HMG20A: variants seen among roughly 807,000 people sequenced by gnomAD.
HMG20A encodes high mobility group 20A.
A neutral mutation model predicts 43.9 loss-of-function variants in HMG20A; 17 were observed. The observed-to-expected ratio is 0.39, with a 90% CI of 0.27 to 0.58. The LOEUF (loss-of-function observed/expected upper bound fraction) is 0.58. HMG20A is among the 20% of genes least tolerant of loss of function. The pLI, the probability that HMG20A is intolerant of heterozygous loss-of-function variation, is 0.59. For synonymous variants in HMG20A, 132 were observed against 147.5 expected, an observed-to-expected ratio of 0.89 and a Z score of 0.76; for missense variants, 341 against 438.2, an observed-to-expected ratio of 0.78 and a Z score of 1.98.
chr15:77,471,523 T>C (rs1027898130), intron 5 of HMG20A, among the ~76,000 whole-genome samples: 1 of 152,232 alleles, frequency 6.6e-6, no homozygotes, highest in Non-Finnish European at 1.5e-5. Context: ...TTGTGTCTTC[T>C]GTCCACTCTT....
intron 1 of HMG20A, among the ~76,000 whole-genome samples, chr15:77,457,924 G>T (rs1194799826): frequency 6.6e-6 from 1 of 152,122 alleles, no homozygotes; most frequent in East Asian, 1.9e-4. Context: ...AATACTCAAT[G>T]CACTTACTAC....
At chr15:77,463,987 CT>C (rs930888696) in intron 2 of HMG20A, among the ~76,000 whole-genome samples, 6 of 152,188 alleles carry the variant, frequency 3.9e-5, no homozygotes, top group African/African-American at 9.7e-5. Flanking sequence ...AGGAGATCAT[CT>C]TTTTGGAAGA....
intron 1 of HMG20A, chr15:77,458,088 C>A: frequency 9.1e-6 from 2 of 219,150 alleles, no homozygotes; most frequent in Non-Finnish European, 1.8e-5. Flanking sequence ...TCTGAGTTAC[C>A]CTGCTTAACA....
chr15:77,437,926 G>T (rs911664042), intron 1 of HMG20A, among the ~76,000 whole-genome samples: 1 of 151,648 alleles, frequency 6.6e-6, no homozygotes, highest in Admixed American at 6.6e-5. Flanking sequence ...TAGCAGTCTT[G>T]ACTAAATAAC....
chr15:77,487,043 C>T (rs982524551), downstream of HMG20A, among the ~76,000 whole-genome samples: 2 of 152,172 alleles, frequency 1.3e-5, no homozygotes, highest in Non-Finnish European at 2.9e-5. Context: ...ACCCCGTGGT[C>T]CAAAATAGCC....
chr15:77,504,163 A>G, the HMG20A span, among the ~76,000 whole-genome samples: 2 of 152,204 alleles, frequency 1.3e-5, no homozygotes, highest in South Asian at 2.1e-4. Context: ...GCATAGATAG[A>G]TGTCTGCATA....
chr15:77,519,740 T>C, the HMG20A span, among the ~76,000 whole-genome samples: 17 of 152,200 alleles, frequency 1.1e-4, 1 homozygote, highest in Middle Eastern at 3.2e-3. Context: ...CTAAAGTATT[T>C]TGTTGTCATG....
At chr15:77,444,614 G>A (rs1227808722) in intron 1 of HMG20A, among the ~76,000 whole-genome samples, 1 of 152,124 alleles carries the variant, frequency 6.6e-6, no homozygotes, top group Non-Finnish European at 1.5e-5. Context: ...TGAGAACTGA[G>A]GCTCTGTGTA....
intron 7 of HMG20A, 55 bp downstream of exon 7, chr15:77,477,685 T>TTTTGAGACGGAGTCTTG: frequency 8.4e-7 from 1 of 1,191,228 alleles, no homozygotes; most frequent in Non-Finnish European, 1.2e-6. Flanking sequence ...GGGACTTAGT[T>TTTTGAGACGGAGTCTTG]CTCAGAAGAA....
intron 9 of HMG20A, among the ~76,000 whole-genome samples, chr15:77,479,796 T>C (rs1164858664): frequency 2.0e-5 from 3 of 152,142 alleles, no homozygotes; most frequent in Non-Finnish European, 4.4e-5. Context: ...AAAATAAATA[T>C]AACTTAATTT....
At chr15:77,461,468 C>T (rs921208232) in intron 2 of HMG20A, among the ~76,000 whole-genome samples, 2 of 152,104 alleles carry the variant, frequency 1.3e-5, no homozygotes, top group African/African-American at 4.8e-5. Context: ...CCAGAAAGGA[C>T]AGAATTGCTG....
At chr15:77,470,294 G>A (rs531182582) in intron 4 of HMG20A, among the ~76,000 whole-genome samples, 3 of 152,284 alleles carry the variant, frequency 2.0e-5, no homozygotes, top group South Asian at 2.1e-4. Context: ...AATGAACTTT[G>A]TTTAAATAAT....
At chr15:77,506,365 C>G in the HMG20A span, among the ~76,000 whole-genome samples, 1 of 152,150 alleles carries the variant, frequency 6.6e-6, no homozygotes, top group South Asian at 2.1e-4. Flanking sequence ...CCCTCCCTCT[C>G]CACCAGTTGC....
At chr15:77,515,596 C>G in the HMG20A span, among the ~76,000 whole-genome samples, 1 of 152,002 alleles carries the variant, frequency 6.6e-6, no homozygotes, top group Non-Finnish European at 1.5e-5. Flanking sequence ...CGCCTGAAAA[C>G]TGCTGATTAA....
At chr15:77,466,640 G>A (rs1015603273) in intron 3 of HMG20A, among the ~76,000 whole-genome samples, 13 of 152,104 alleles carry the variant, frequency 8.5e-5, no homozygotes, top group African/African-American at 2.7e-4. Flanking sequence ...CCTGGTGCAC[G>A]TGACACCATC....
chr15:77,480,182 C>G (rs2072893417), intron 9 of HMG20A, among the ~76,000 whole-genome samples: 2 of 152,086 alleles, frequency 1.3e-5, no homozygotes, highest in South Asian at 4.1e-4. Context: ...GTCCCAGCTG[C>G]TTGGGAGGCT....
At chr15:77,428,225 C>T (rs1229990520) in intron 1 of HMG20A, among the ~76,000 whole-genome samples, 1 of 152,168 alleles carries the variant, frequency 6.6e-6, no homozygotes, top group African/African-American at 2.4e-5. Flanking sequence ...TGTGTTCTCC[C>T]TGATGATCAG....
downstream of HMG20A, among the ~76,000 whole-genome samples, chr15:77,487,936 T>C (rs888857716): frequency 1.3e-5 from 2 of 152,212 alleles, no homozygotes; most frequent in Non-Finnish European, 2.9e-5. Flanking sequence ...TTAATGTACA[T>C]CTGCTCATCC....
At chr15:77,443,376 G>GATTATTATTATTATTATT (rs1491110236) in intron 1 of HMG20A, among the ~76,000 whole-genome samples, 6 of 121,250 alleles carry the variant, frequency 4.9e-5, no homozygotes, top group Non-Finnish European at 1.1e-4. Context: ...TGATGATGAT[G>GATTATTATTATTATTATT]ATGATTATTA....
Sources: allele counts gnomAD v4.1 joint callset (sites outside exome capture counted in the v4.1 genomes callset), GRCh38; gene constraint gnomAD v4.1.1; transcripts MANE v1.5; gene names NCBI Gene and HGNC (gene_info 2026-07-23, HGNC 2026-07-21).